The following RPTOR variants were observed in gnomAD, a reference collection of about 807,000 sequenced individuals.
The protein encoded by RPTOR is regulatory associated protein of MTOR complex 1, also known as regulatory-associated protein of mTOR.
Under a neutral mutation model 169.9 loss-of-function variants are expected in RPTOR, and 21 were observed. That is an observed-to-expected ratio of 0.12 (90% CI 0.09 to 0.18). The LOEUF (loss-of-function observed/expected upper bound fraction) is 0.18, where lower values mean the gene tolerates loss of function less well. RPTOR is among the 10% of genes least tolerant of loss of function. The pLI, the probability that RPTOR is intolerant of heterozygous loss-of-function variation, is 1.00. For missense variants in RPTOR, 1,133 were observed against 1,855.9 expected (o/e 0.61, Z 7.16); for synonymous variants, 732 against 753.2 (o/e 0.97, Z 0.46).
chr17:80,723,448 T>A (rs1239947822), intron 4 of RPTOR, among the ~76,000 whole-genome samples: 1 of 151,352 alleles, frequency 6.6e-6, no homozygotes, highest in Non-Finnish European at 1.5e-5. Flanking sequence ...TATATCCATA[T>A]GGAGCCACTA....
chr17:80,626,352 G>A (rs542887031), intron 2 of RPTOR, among the ~76,000 whole-genome samples: 976 of 53,874 alleles, frequency 0.018, 12 homozygotes, highest in African/African-American at 0.1. Flanking sequence ...TTTATTACAC[G>A]CCCGGCCAAT....
intron 5 of RPTOR, among the ~76,000 whole-genome samples, chr17:80,751,768 C>G: frequency 6.6e-6 from 1 of 152,220 alleles, no homozygotes; most frequent in Middle Eastern, 3.2e-3. Context: ...GTGTAAGTCA[C>G]AAACAGCGTC....
At chr17:80,709,478 C>T (rs1482307236) in intron 4 of RPTOR, among the ~76,000 whole-genome samples, 1 of 152,248 alleles carries the variant, frequency 6.6e-6, no homozygotes, top group Non-Finnish European at 1.5e-5. Context: ...CTGGCGCGCT[C>T]TTCCGCAGTG....
At chr17:80,841,766 CCCGCACGGCAGCTCACTCTCA>C (rs2067666394) in intron 10 of RPTOR, among the ~76,000 whole-genome samples, 11 of 45,956 alleles carry the variant, frequency 2.4e-4, no homozygotes, top group East Asian at 8.2e-4. Context: ...GCTCACTCTC[CCCGCACGGCAGCTCACTCTCA>C]CCGCACGGCA....
At chr17:80,710,291 G>A (rs925157486) in intron 4 of RPTOR, among the ~76,000 whole-genome samples, 2 of 151,950 alleles carry the variant, frequency 1.3e-5, no homozygotes, top group Non-Finnish European at 2.9e-5. Context: ...ACTGCGCCCC[G>A]CTCCCAGTTG....
Position 80,754,139 on chromosome 17 carries a change from C to G in RPTOR, c.784C>G (p.Leu262Val). 6.2e-7 allele frequency: 1 copy of G among 1,613,488 alleles called. No individual in the cohort carries two copies. Among genetic ancestry groups the G allele is most frequent in the Non-Finnish European group, 8.5e-7 (1 of 1,179,928 alleles). The part of the protein sequence containing the change: ...LPMIPDLPAD[L>V]FTSCLTTPIK... ...CATGATCCCCGACCTCCCGGCTGAC[C>G]TATTCACCTCCTGCCTCACCACCCC... The change falls in exon 6 of 34, where the codon CTA (leucine) becomes GTA (valine). Residue 262 changes from leucine (L) to valine (V), a missense_variant. Coordinates refer to ENST00000306801, the MANE Select transcript of RPTOR (RefSeq NM_020761.3). The surrounding 1 kb of genome is among the most constrained non-coding windows in gnomAD (Gnocchi z 4.2).
intron 7 of RPTOR, among the ~76,000 whole-genome samples, chr17:80,819,953 G>T (rs978694434): frequency 6.6e-6 from 1 of 152,246 alleles, no homozygotes; most frequent in African/African-American, 2.4e-5. Context: ...GAGCTCTGCA[G>T]TTGGTGTTGG....
At chr17:80,583,190 T>G (rs1006191011) in intron 1 of RPTOR, among the ~76,000 whole-genome samples, 3 of 129,140 alleles carry the variant, frequency 2.3e-5, no homozygotes, top group Non-Finnish European at 5.0e-5. Flanking sequence ...CTGTTTTTTT[T>G]TTTTTTTTTT....
intron 1 of RPTOR, among the ~76,000 whole-genome samples, chr17:80,588,564 G>A (rs1040472557): frequency 4.6e-5 from 7 of 152,160 alleles, no homozygotes; most frequent in African/African-American, 9.7e-5. Context: ...TGAACATGCC[G>A]ATTTCAATTC....
intron 1 of RPTOR, among the ~76,000 whole-genome samples, chr17:80,589,355 C>T (rs186126552): frequency 1.3e-4 from 20 of 152,268 alleles, no homozygotes; most frequent in Non-Finnish European, 7.4e-5. Context: ...CTTCACACTC[C>T]TGTCTCTGTG....
intron 9 of RPTOR, among the ~76,000 whole-genome samples, chr17:80,829,659 C>T (rs979566004): frequency 1.3e-5 from 2 of 152,154 alleles, no homozygotes; most frequent in South Asian, 2.1e-4. Flanking sequence ...GGCAGTGCCG[C>T]GTGCATGGAG....
chr17:80,767,942 C>A (rs2066804095), intron 6 of RPTOR, among the ~76,000 whole-genome samples: 1 of 152,112 alleles, frequency 6.6e-6, no homozygotes, highest in Non-Finnish European at 1.5e-5. Flanking sequence ...CAGCTCACTG[C>A]AACCTCTGAC....
chr17:80,828,423 G>T (rs2067468420), intron 9 of RPTOR, among the ~76,000 whole-genome samples: 1 of 152,208 alleles, frequency 6.6e-6, no homozygotes, highest in South Asian at 2.1e-4. Context: ...AGCTGCTGGG[G>T]AGTCAGCAGC....
intron 13 of RPTOR, among the ~76,000 whole-genome samples, chr17:80,862,459 C>T (rs1231114459): frequency 6.6e-6 from 1 of 151,548 alleles, no homozygotes; most frequent in Non-Finnish European, 1.5e-5. Flanking sequence ...GGCGGTCCTC[C>T]GGATCTCCAC....
At chr17:80,694,938 A>G (rs931872895) in intron 3 of RPTOR, among the ~76,000 whole-genome samples, 4 of 152,170 alleles carry the variant, frequency 2.6e-5, no homozygotes, top group Non-Finnish European at 4.4e-5. Context: ...TGCCACGGGC[A>G]GCTATATCCA....
At chr17:80,655,822 C>T (rs944405264) in intron 3 of RPTOR, among the ~76,000 whole-genome samples, 1 of 152,008 alleles carries the variant, frequency 6.6e-6, no homozygotes, top group African/African-American at 2.4e-5. Context: ...TGGAGTCAGC[C>T]GTTCCTGCTT....
chr17:80,634,656 GTAC>G (rs2065485534), intron 2 of RPTOR, among the ~76,000 whole-genome samples: 1 of 104,472 alleles, frequency 9.6e-6, no homozygotes, highest in Non-Finnish European at 2.0e-5. Context: ...CTGTATGTGC[GTAC>G]TGTGTGTGTG....
chr17:80,961,575 G>A, intron 31 of RPTOR, 95 bp downstream of exon 31: 4 of 1,349,216 alleles, frequency 3.0e-6, no homozygotes, highest in Middle Eastern at 5.0e-4. Context: ...CAGCTGGAAG[G>A]GGATGGCATT....
rs951292010 is a variant in RPTOR, at chr17:80,959,234, T to C, written c.3478-844T>C. Among the ~76,000 whole-genome samples, 1 of 152,190 alleles carries C rather than the reference T, an allele frequency of 6.6e-6. No individual in the cohort carries two copies. The highest frequency in any genetic ancestry group is 1.5e-5 in the Non-Finnish European group (1 of 68,006). On this transcript the variant is annotated intron_variant, in intron 29 of 33. Transcript: ENST00000306801. The surrounding 1 kb of genome is among the most constrained non-coding windows in gnomAD (Gnocchi z 6.7). ...CACCTTCTTTGGGGTGGGGGGGTCT[T>C]GCACCTGTCTGGAGCTGTGGCTCCA...
Sources: gnomAD v4.1 joint callset for allele counts (sites outside exome capture counted in the v4.1 genomes callset) on GRCh38, gnomAD v4.1.1 for gene constraint, Gnocchi (gnomAD v3.1) non-coding constraint, MANE v1.5 for transcripts, NCBI Gene and HGNC (gene_info 2026-07-23, HGNC 2026-07-21) for gene names.